Variants in PLCL2 observed in about 807,000 individuals in gnomAD.
PLCL2 encodes the protein inactive phospholipase C-like protein 2.
A neutral mutation model predicts 79.6 loss-of-function variants in PLCL2; 4 were observed. The observed-to-expected ratio is 0.05, with a 90% CI of 0.02 to 0.11. The LOEUF (loss-of-function observed/expected upper bound fraction) is 0.11. PLCL2 is among the 10% of genes least tolerant of loss of function. The pLI is 1.00. For synonymous variants in PLCL2, 484 were observed against 457.7 expected, an observed-to-expected ratio of 1.06 and a Z score of -0.73; for missense variants, 895 against 1,291.0, an observed-to-expected ratio of 0.69 and a Z score of 4.70.
At position 17,011,840 on chromosome 3, in the gene PLCL2, C is replaced by T. The variant is rs1211734391; in HGVS notation, c.2494C>T (p.Leu832=). 4 of 1,614,096 alleles carry T rather than the reference C, an allele frequency of 2.5e-6. No homozygotes were observed. Among genetic ancestry groups the T allele is most frequent in the Non-Finnish European group, 2.5e-6 (3 of 1,179,914 alleles). Residue 832 remains leucine (L), a synonymous_variant, in exon 2 of 6, where the codon CTG becomes TTG. Coordinates refer to ENST00000615277, the MANE Select transcript of PLCL2 (RefSeq NM_001144382.2). The surrounding 1 kb of genome is among the most constrained non-coding windows in gnomAD (Gnocchi z 7.9). ...PELAMVRFVV[L]DDDYIGDEFI... ...ACTGGCCATGGTGCGCTTTGTAGTG[C>T]TGGATGATGACTACATTGGGGATGA... is the stretch of plus-strand genomic sequence containing the variant.
chr3:17,039,172 T>A (rs536091345), intron 3 of PLCL2, among the ~76,000 whole-genome samples: 3 of 152,370 alleles, frequency 2.0e-5, no homozygotes, highest in African/African-American at 7.2e-5. Flanking sequence ...CAGCTTGTTA[T>A]AAAGTAGCAG....
chr3:17,042,412 T>A lies in PLCL2; in HGVS notation c.3019-462T>A, dbSNP rs769741180. On this transcript the variant is annotated intron_variant, in intron 3 of 5. Coordinates refer to ENST00000615277, the MANE Select transcript of PLCL2 (RefSeq NM_001144382.2). ...TATCAAATAAATAAATGCTATTTTT[T>A]AATTCTCATTGTATGTTTTAAACTG... is the stretch of plus-strand genomic sequence containing the variant. Among the ~76,000 whole-genome samples the A allele has an allele frequency of 8.5e-5, 13 of 152,360 alleles. No individual in the cohort carries two copies. The Middle Eastern group carries it at 0.01, about 120-fold the overall frequency.
intron 1 of PLCL2, among the ~76,000 whole-genome samples, chr3:16,971,754 AG>A (rs1418987636): frequency 6.6e-6 from 1 of 152,086 alleles, no homozygotes; most frequent in Non-Finnish European, 1.5e-5. Context: ...CTCCTTGAAG[AG>A]GTCCTTCATG....
rs397708446 is a variant in PLCL2 at position 16,923,029 on chromosome 3, A to AT, written c.327+37666dup. 1.4e-3 allele frequency among the ~76,000 whole-genome samples: 219 copies of AT among 152,322 alleles called. 2 individuals are homozygous for AT. The highest frequency in any genetic ancestry group is 4.9e-3 in the African/African-American group (203 of 41,576). On this transcript the variant is annotated intron_variant, in intron 1 of 5. Transcript: ENST00000615277. ...TATAGCAACCTCTTTCTAAGAATGA[A>AT]TTTAAAAGATCACTAAGTATAATAA...
At chr3:16,953,745 G>C (rs971054037) in intron 1 of PLCL2, among the ~76,000 whole-genome samples, 3 of 151,920 alleles carry the variant, frequency 2.0e-5, no homozygotes, top group Admixed American at 2.0e-4. Flanking sequence ...CATTAGTCCA[G>C]ACTTTAAAAA....
chr3:16,994,312 C>T (rs994817315), intron 1 of PLCL2, among the ~76,000 whole-genome samples: 7 of 152,032 alleles, frequency 4.6e-5, no homozygotes, highest in Admixed American at 2.0e-4. Flanking sequence ...CTTCTGGATT[C>T]GGGCCATGCA....
chr3:16,998,197 T>TG (rs2064173321), intron 1 of PLCL2, among the ~76,000 whole-genome samples: 1 of 98,074 alleles, frequency 1.0e-5, no homozygotes, highest in African/African-American at 4.3e-5. Context: ...ATGAGGAAAA[T>TG]AATTTTTTTT....
intron 4 of PLCL2, among the ~76,000 whole-genome samples, chr3:17,053,332 T>G (rs376002889): frequency 6.6e-6 from 1 of 152,020 alleles, no homozygotes; most frequent in Non-Finnish European, 1.5e-5. Flanking sequence ...ATGCGCTCTT[T>G]TAAACAACCA....
At chr3:16,904,737 A>G (rs570604777) in intron 1 of PLCL2, among the ~76,000 whole-genome samples, 20 of 152,092 alleles carry the variant, frequency 1.3e-4, no homozygotes, top group African/African-American at 4.3e-4. Context: ...GGTGGGAGGT[A>G]ATTGAATCAT....
chr3:17,034,156 A>G (rs1406297673), intron 3 of PLCL2, among the ~76,000 whole-genome samples: 5 of 152,200 alleles, frequency 3.3e-5, no homozygotes, highest in Non-Finnish European at 7.3e-5. Context: ...CAGGTACACC[A>G]GGTACACCAG....
intron 1 of PLCL2, among the ~76,000 whole-genome samples, chr3:16,985,750 C>A (rs2064043565): frequency 6.6e-6 from 1 of 152,118 alleles, no homozygotes. Context: ...TAGTAGAAGG[C>A]ATAGGTGTAC....
At chr3:16,930,029 C>G (rs1395737158) in intron 1 of PLCL2, among the ~76,000 whole-genome samples, 1 of 152,172 alleles carries the variant, frequency 6.6e-6, no homozygotes, top group Non-Finnish European at 1.5e-5. Context: ...CAAGGACACA[C>G]AAGACTCCTG....
At chr3:16,922,027 A>G (rs941414098) in intron 1 of PLCL2, among the ~76,000 whole-genome samples, 1 of 152,218 alleles carries the variant, frequency 6.6e-6, no homozygotes, top group Non-Finnish European at 1.5e-5. Flanking sequence ...AAAGAATGTG[A>G]TACAACAAAA....
intron 3 of PLCL2, among the ~76,000 whole-genome samples, chr3:17,036,889 G>T (rs540623751): frequency 6.6e-6 from 1 of 152,170 alleles, no homozygotes; most frequent in Admixed American, 6.5e-5. Flanking sequence ...AGACAGAAGG[G>T]CATGCTAGCT....
At chr3:17,079,868 A>G (rs544714833) in intron 5 of PLCL2, among the ~76,000 whole-genome samples, 6 of 152,338 alleles carry the variant, frequency 3.9e-5, no homozygotes, top group East Asian at 1.9e-4. Flanking sequence ...AGGGAGCCAC[A>G]TGGAAAGTCA....
intron 1 of PLCL2, among the ~76,000 whole-genome samples, chr3:16,904,473 C>G (rs1005029992): frequency 1.1e-4 from 16 of 152,032 alleles, no homozygotes; most frequent in African/African-American, 3.4e-4. Context: ...GGTGGGTTGG[C>G]TTATTTGGTG....
chr3:17,073,118 T>C (rs2065076276), intron 5 of PLCL2, among the ~76,000 whole-genome samples: 1 of 152,224 alleles, frequency 6.6e-6, no homozygotes, highest in South Asian at 2.1e-4. Flanking sequence ...TGAGACATAA[T>C]GTTTGTAAAA....
intron 1 of PLCL2, among the ~76,000 whole-genome samples, chr3:16,944,799 G>T (rs1337848115): frequency 6.7e-6 from 1 of 150,272 alleles, no homozygotes; most frequent in Non-Finnish European, 1.5e-5. Flanking sequence ...TCCTTCTGTC[G>T]CCCAGGCTGG....
intron 3 of PLCL2, among the ~76,000 whole-genome samples, chr3:17,021,035 A>G (rs112615823): frequency 0.016 from 2,384 of 151,888 alleles, 59 homozygotes; most frequent in African/African-American, 0.053. Context: ...TTCTTTTATC[A>G]CTCTCCTGCC....
Sources: allele counts gnomAD v4.1 joint callset (sites outside exome capture counted in the v4.1 genomes callset), GRCh38; gene constraint gnomAD v4.1.1; non-coding constraint Gnocchi (gnomAD v3.1); transcripts MANE v1.5; gene names NCBI Gene and HGNC (gene_info 2026-07-23, HGNC 2026-07-21).